KHDC1: variants seen among roughly 807,000 people sequenced by gnomAD.
KHDC1 encodes the protein KH homology domain-containing protein 1.
A neutral mutation model predicts 24.7 loss-of-function variants in KHDC1; 21 were observed. The observed-to-expected ratio is 0.85, with a 90% CI of 0.60 to 1.23. The LOEUF (loss-of-function observed/expected upper bound fraction) is 1.23, where lower values mean the gene tolerates loss of function less well. Ranked by LOEUF, KHDC1 falls within the 50% of genes most tolerant of loss-of-function variation. The pLI is 0.00. For missense variants in KHDC1, 274 were observed against 298.5 expected, an observed-to-expected ratio of 0.92 and a Z score of 0.61; for synonymous variants, 98 against 111.7, an observed-to-expected ratio of 0.88 and a Z score of 0.77.
intron 1 of KHDC1, among the ~76,000 whole-genome samples, chr6:73,307,634 C>T (rs913617211): frequency 1.3e-5 from 2 of 152,092 alleles, no homozygotes; most frequent in South Asian, 2.1e-4. Flanking sequence ...CAAGCAACGC[C>T]GTCCCTGCCT....
At chr6:73,268,241 G>A (rs62411451) in intron 2 of KHDC1, 11,620 of 152,474 alleles carry the variant, frequency 0.076, 497 homozygotes, top group Non-Finnish European at 0.091. Flanking sequence ...AGACCTTCAC[G>A]GTGAGTGTGT....
chr6:73,265,731 C>G (rs1450468446), intron 2 of KHDC1, among the ~76,000 whole-genome samples: 1 of 152,000 alleles, frequency 6.6e-6, no homozygotes, highest in Non-Finnish European at 1.5e-5. Flanking sequence ...GGCAGGGTTA[C>G]CCTCTTAGAG....
intron 2 of KHDC1, chr6:73,275,418 T>A (rs992655432): frequency 1.8e-5 from 3 of 167,026 alleles, no homozygotes; most frequent in African/African-American, 4.8e-5. Context: ...CCCAGCCTGG[T>A]TGCAACCCTG....
At chr6:73,265,740 A>ACC (rs1767070083) in intron 2 of KHDC1, among the ~76,000 whole-genome samples, 1 of 152,126 alleles carries the variant, frequency 6.6e-6, no homozygotes, top group Non-Finnish European at 1.5e-5. Flanking sequence ...ACCCTCTTAG[A>ACC]GTACACTTGG....
rs1166584090 is a variant in KHDC1, at chr6:73,263,281, C to T, written c.207-20751G>A. ...CCCGCCTGCTCTGTGTAGGAGACAG[C>T]CTGCGGAGCCCACTGCCGGCGCGCA... On this transcript the variant is annotated intron_variant, in intron 2 of 4. Transcript: ENST00000370384. 4 of 985,510 alleles carry T rather than the reference C, an allele frequency of 4.1e-6. No individual in the cohort carries two copies. In the African/African-American group the frequency reaches 7.0e-5, roughly 17 times the overall value. The allele number at this position is 985,510 out of a possible 1,614,324, so 61.0% of individuals were successfully genotyped here.
chr6:73,304,429 G>A (rs1198791664), intron 1 of KHDC1, among the ~76,000 whole-genome samples: 21 of 152,170 alleles, frequency 1.4e-4, no homozygotes, highest in Admixed American at 1.4e-3. Flanking sequence ...CTGGAAGACT[G>A]AGAGCCATGA....
At chr6:73,249,255 G>A (rs61445419) in intron 2 of KHDC1, among the ~76,000 whole-genome samples, 3,830 of 152,028 alleles carry the variant, frequency 0.025, 54 homozygotes, top group African/African-American at 0.038. Context: ...CACTCCAGCC[G>A]AGGCGACAGA....
intron 1 of KHDC1, among the ~76,000 whole-genome samples, chr6:73,309,028 T>C (rs192410631): frequency 2.0e-3 from 301 of 152,272 alleles, no homozygotes; most frequent in Non-Finnish European, 3.0e-3. Context: ...TTTCACCATG[T>C]TGGCCAGGCG....
Position 73,254,079 on chromosome 6 carries a change from C to T in KHDC1, c.207-11549G>A, listed in dbSNP as rs1053381574. Among the ~76,000 whole-genome samples, 14 of 152,212 alleles carry T rather than the reference C, an allele frequency of 9.2e-5. No homozygotes were observed. The East Asian group carries it at 2.7e-3, about 29-fold the overall frequency. On this transcript the variant is annotated intron_variant, in intron 2 of 4. Transcript: ENST00000370384. ...TGTAAAAAAGAAAACTCAAACCATA[C>T]CACAGGAAACCATTAGCAAATATTT...
chr6:73,246,427 A>G (rs749249485), intron 2 of KHDC1, among the ~76,000 whole-genome samples: 1 of 152,240 alleles, frequency 6.6e-6, no homozygotes, highest in African/African-American at 2.4e-5. Context: ...ACTTTCCAAA[A>G]TATCTGTAAA....
intron 2 of KHDC1, among the ~76,000 whole-genome samples, chr6:73,248,816 T>C (rs1682910356): frequency 6.6e-6 from 1 of 152,142 alleles, no homozygotes; most frequent in South Asian, 2.1e-4. Context: ...CCATCTGTCC[T>C]GTGGAGCTAT....
chr6:73,276,860 G>A (rs1490894879), intron 2 of KHDC1, among the ~76,000 whole-genome samples: 1 of 152,170 alleles, frequency 6.6e-6, no homozygotes, highest in Admixed American at 6.5e-5. Flanking sequence ...GATTCAAAAT[G>A]AGTTATAATA....
chr6:73,270,565 G>C (rs1027580108), intron 2 of KHDC1: 1 of 152,016 alleles, frequency 6.6e-6, no homozygotes, highest in African/African-American at 2.4e-5. Context: ...ATTAGAACTT[G>C]GACATATCTT....
At position 73,242,046 on chromosome 6, in the gene KHDC1, G is replaced by A. The variant is rs1342126629; in HGVS notation, c.514+9C>T. On this transcript the variant is annotated intron_variant, in intron 4 of 4. Coordinates refer to ENST00000370384, the Ensembl canonical transcript of KHDC1. ...AGTCTAAAACCACAGTTCAGCCAAG[G>A]ATACCTACCTCGAGCATGATGATAG... 1 of 1,606,302 alleles carries A rather than the reference G, an allele frequency of 6.2e-7. No individual in the cohort carries two copies. The highest frequency in any genetic ancestry group is 8.5e-7 in the Non-Finnish European group (1 of 1,176,054).
intron 2 of KHDC1, among the ~76,000 whole-genome samples, chr6:73,252,878 T>C (rs898320109): frequency 1.3e-5 from 2 of 151,928 alleles, no homozygotes; most frequent in Non-Finnish European, 2.9e-5. Flanking sequence ...AGGCAATACA[T>C]AAATGATGGG....
At chr6:73,262,327 C>A (rs554949854) in intron 2 of KHDC1, among the ~76,000 whole-genome samples, 1 of 152,232 alleles carries the variant, frequency 6.6e-6, no homozygotes, top group African/African-American at 2.4e-5. Flanking sequence ...ACCTTTCCTG[C>A]CCTTTTCCTC....
intron 2 of KHDC1, 158 bp from the exon 1 acceptor site, chr6:73,263,354 A>G: frequency 2.2e-6 from 2 of 900,924 alleles, no homozygotes; most frequent in Non-Finnish European, 2.7e-6. Flanking sequence ...GGGAGGAGGG[A>G]CGAGCCAGTG....
chr6:73,284,008 C>T (rs910917658), intron 2 of KHDC1, among the ~76,000 whole-genome samples: 3 of 151,954 alleles, frequency 2.0e-5, no homozygotes, highest in Non-Finnish European at 4.4e-5. Flanking sequence ...TTGCTTCTAG[C>T]CTCACTCATT....
intron 2 of KHDC1, chr6:73,263,441 C>G (rs1562249859): frequency 3.8e-6 from 1 of 263,864 alleles, no homozygotes; most frequent in Non-Finnish European, 5.9e-6. Flanking sequence ...GGCGGCATCT[C>G]TTGCTCTCAG....
Sources: allele counts gnomAD v4.1 joint callset (sites outside exome capture counted in the v4.1 genomes callset), GRCh38; gene constraint gnomAD v4.1.1; transcripts MANE v1.5; gene names NCBI Gene and HGNC (gene_info 2026-07-23, HGNC 2026-07-21).